The following LRMDA variants were observed in gnomAD, a reference collection of about 807,000 sequenced individuals.
The protein encoded by LRMDA is leucine-rich melanocyte differentiation-associated protein.
LRMDA carries 18 observed loss-of-function variants against 29.8 expected under a neutral mutation model. That is an observed-to-expected ratio of 0.60 (90% confidence interval 0.42 to 0.90). The LOEUF is 0.90. Ranked by LOEUF, LRMDA falls within the 40% of genes least tolerant of loss-of-function variation. The pLI, the probability that LRMDA is intolerant of heterozygous loss-of-function variation, is 0.00. For synonymous variants in LRMDA, 125 were observed against 109.4 expected (o/e 1.14, Z -0.89); for missense variants, 273 against 273.9 (o/e 1.00, Z 0.02).
intron 2 of LRMDA, among the ~76,000 whole-genome samples, chr10:75,562,102 C>G (rs1214413536): frequency 2.0e-5 from 3 of 151,864 alleles, no homozygotes; most frequent in Non-Finnish European, 4.4e-5. Flanking sequence ...CTTTCTGTCT[C>G]GTTGATCTGT....
intron 2 of LRMDA, among the ~76,000 whole-genome samples, chr10:75,843,281 C>T (rs766904929): frequency 7.2e-5 from 11 of 152,202 alleles, no homozygotes; most frequent in Non-Finnish European, 1.3e-4. Flanking sequence ...TAGCTCAATG[C>T]ATACGGTTTC....
chr10:75,648,788 CAT>C (rs1031889571), intron 2 of LRMDA, among the ~76,000 whole-genome samples: 4 of 152,138 alleles, frequency 2.6e-5, no homozygotes, highest in Admixed American at 1.3e-4. Flanking sequence ...GAATGCCTAA[CAT>C]GTGTTAGGGA....
At chr10:76,010,995 G>T (rs1442545699) in intron 2 of LRMDA, among the ~76,000 whole-genome samples, 1 of 152,250 alleles carries the variant, frequency 6.6e-6, no homozygotes, top group African/African-American at 2.4e-5. Flanking sequence ...GATAAAATCT[G>T]TAACCACAAG....
intron 2 of LRMDA, among the ~76,000 whole-genome samples, chr10:75,505,142 G>T (rs970122246): frequency 2.0e-5 from 3 of 152,178 alleles, no homozygotes; most frequent in African/African-American, 7.2e-5. Flanking sequence ...ACACAGGTTT[G>T]GCTGTTAAAA....
chr10:75,919,220 C>T (rs1422364225), intron 2 of LRMDA, among the ~76,000 whole-genome samples: 1 of 152,196 alleles, frequency 6.6e-6, no homozygotes, highest in Non-Finnish European at 1.5e-5. Context: ...TGAAATTTCT[C>T]TCTATGGCCT....
intron 6 of LRMDA, among the ~76,000 whole-genome samples, chr10:76,520,007 T>C (rs953075472): frequency 1.3e-5 from 2 of 152,168 alleles, no homozygotes. Context: ...TATTTTCTTG[T>C]ATTTTTTCTT....
At chr10:75,557,143 G>C (rs1411533478) in intron 2 of LRMDA, among the ~76,000 whole-genome samples, 3 of 151,810 alleles carry the variant, frequency 2.0e-5, no homozygotes, top group Admixed American at 6.6e-5. Context: ...GCGAAACCCT[G>C]TCTCTATTAA....
chr10:76,041,390 A>G (rs763273333), intron 3 of LRMDA, among the ~76,000 whole-genome samples: 5 of 151,976 alleles, frequency 3.3e-5, no homozygotes, highest in Non-Finnish European at 5.9e-5. Context: ...TTAAATCCAG[A>G]CTCTATCATG....
rs117229202 is a variant in LRMDA, at chr10:75,958,710, A to G, written c.132-77298A>G. Among the ~76,000 whole-genome samples, 765 of 152,348 alleles carry G rather than the reference A, an allele frequency of 5.0e-3. 4 individuals are homozygous for G. Among genetic ancestry groups the G allele is most frequent in the Non-Finnish European group, 8.0e-3 (545 of 68,032 alleles). Reference sequence around the variant, plus strand: ...CTACTGGGTTGTATAGCTGAGAGTAAGTTTGGAGAGTGTATTAGTCCGTTT... The same window carrying G: ...CTACTGGGTTGTATAGCTGAGAGTAGGTTTGGAGAGTGTATTAGTCCGTTT... On this transcript the variant is annotated intron_variant, in intron 2 of 6. Coordinates refer to ENST00000611255, the MANE Select transcript of LRMDA (RefSeq NM_001305581.2).
chr10:75,961,410 T>G (rs1846763630), intron 2 of LRMDA, among the ~76,000 whole-genome samples: 1 of 152,196 alleles, frequency 6.6e-6, no homozygotes, highest in Non-Finnish European at 1.5e-5. Context: ...GTACATGTGT[T>G]CCCCCACGGG....
At chr10:76,066,083 TC>T (rs1252602942) in intron 5 of LRMDA, among the ~76,000 whole-genome samples, 1 of 152,182 alleles carries the variant, frequency 6.6e-6, no homozygotes, top group Non-Finnish European at 1.5e-5. Flanking sequence ...AGGCAGGCCA[TC>T]CCATCCACAC....
intron 2 of LRMDA, among the ~76,000 whole-genome samples, chr10:75,788,867 C>T (rs1843519755): frequency 6.6e-6 from 1 of 152,254 alleles, no homozygotes; most frequent in African/African-American, 2.4e-5. Context: ...TCTGCTTCCC[C>T]TGTTTAGGTT....
At chr10:76,085,493 G>C (rs1013234045) in intron 5 of LRMDA, among the ~76,000 whole-genome samples, 4 of 152,178 alleles carry the variant, frequency 2.6e-5, no homozygotes, top group Admixed American at 2.0e-4. Context: ...GATCAAGTCT[G>C]CTCGCCCCAC....
intron 2 of LRMDA, among the ~76,000 whole-genome samples, chr10:75,668,743 A>G (rs768071861): frequency 6.6e-6 from 1 of 152,248 alleles, no homozygotes; most frequent in Non-Finnish European, 1.5e-5. Flanking sequence ...CACACAGTTA[A>G]TAAAACAGGT....
chr10:75,563,974 G>T (rs1273107289), intron 2 of LRMDA, among the ~76,000 whole-genome samples: 2 of 152,198 alleles, frequency 1.3e-5, no homozygotes, highest in Non-Finnish European at 2.9e-5. Flanking sequence ...CTGCTCAGGG[G>T]TCAGGGGTCA....
At chr10:75,598,399 G>A (rs1291521319) in intron 2 of LRMDA, among the ~76,000 whole-genome samples, 1 of 152,108 alleles carries the variant, frequency 6.6e-6, no homozygotes, top group Admixed American at 6.6e-5. Context: ...AAAGAGAGTC[G>A]TCGTGTCCCT....
At chr10:76,380,672 A>C in intron 6 of LRMDA, among the ~76,000 whole-genome samples, 1 of 143,642 alleles carries the variant, frequency 7.0e-6, no homozygotes, top group African/African-American at 2.6e-5. Flanking sequence ...CCACTTCATA[A>C]AAAAAAAAAA....
chr10:75,559,018 A>G (rs1267771300), intron 2 of LRMDA, among the ~76,000 whole-genome samples: 8 of 150,714 alleles, frequency 5.3e-5, no homozygotes, highest in African/African-American at 2.0e-4. Flanking sequence ...TTATAGCAGC[A>G]TGATTTATAG....
At chr10:75,811,481 A>G (rs1297216947) in intron 2 of LRMDA, among the ~76,000 whole-genome samples, 1 of 152,146 alleles carries the variant, frequency 6.6e-6, no homozygotes, top group Non-Finnish European at 1.5e-5. Flanking sequence ...AGGGCACATT[A>G]CTAAATCTTG....
Sources: gnomAD v4.1 joint callset for allele counts (sites outside exome capture counted in the v4.1 genomes callset) on GRCh38, gnomAD v4.1.1 for gene constraint, MANE v1.5 for transcripts, NCBI Gene and HGNC (gene_info 2026-07-23, HGNC 2026-07-21) for gene names.